Variants in SPATA21 observed in about 807,000 individuals in gnomAD.
SPATA21 encodes the protein spermatogenesis associated 21.
SPATA21 carries 47 observed loss-of-function variants against 54.8 expected under a neutral mutation model. That is an observed-to-expected ratio of 0.86 (90% confidence interval 0.68 to 1.09). SPATA21 has a LOEUF of 1.09. SPATA21 is among the 50% of genes least tolerant of loss of function. The probability of loss-of-function intolerance (pLI) is 0.00; values close to 1 mark genes in which losing one functional copy is unlikely to be tolerated. For synonymous variants in SPATA21, 245 were observed against 235.3 expected, an observed-to-expected ratio of 1.04 and a Z score of -0.38; for missense variants, 599 against 596.4, an observed-to-expected ratio of 1.00 and a Z score of -0.05.
At chr1:16,396,397 G>GAC (rs2085312050), downstream of SPATA21, 1 of 152,236 alleles carries the variant, frequency 6.6e-6, no homozygotes, top group Non-Finnish European at 1.5e-5. Flanking sequence ...ATTGATGACA[G>GAC]ACTGGTTCCT....
intron 3 of SPATA21, among the ~76,000 whole-genome samples, chr1:16,429,746 T>C (rs1053772569): frequency 8.7e-5 from 13 of 150,218 alleles, no homozygotes; most frequent in African/African-American, 3.2e-4. Flanking sequence ...AGTGCTGGGA[T>C]TACAGGCGTG....
chr1:16,401,403 G>A (rs751202876), intron 10 of SPATA21, among the ~76,000 whole-genome samples: 5 of 151,998 alleles, frequency 3.3e-5, no homozygotes, highest in Non-Finnish European at 7.4e-5. Flanking sequence ...TCAACTGATC[G>A]TCCTGCCCTA....
In SPATA21 at chr1:16,409,889, C is replaced by T. The variant is rs768245820; in HGVS notation, c.299G>A (p.Arg100Gln). 3.0e-5 allele frequency: 49 copies of T among 1,613,182 alleles called. No individual in the cohort carries two copies. The South Asian group carries it at 3.4e-4, about 11-fold the overall frequency. Residue 100 changes from arginine to glutamine, a missense_variant, in exon 6 of 13, where the codon CGG (arginine) becomes CAG (glutamine). Arg to Gln is a conservative substitution (Grantham distance 43). Coordinates refer to ENST00000335496, the MANE Select transcript of SPATA21 (RefSeq NM_198546.1). The surrounding 1 kb of genome is among the most constrained non-coding windows in gnomAD (Gnocchi z 4.1). ...LEVEKMEASH[R>Q]RASKARSQTA... is the part of the protein sequence containing the mutation. ...CTGGGACCGGGCCTTCGAGGCTCTC[C>T]GATGGGAGGCCTCCATTTTCTCCAC...
At chr1:16,418,271 T>C (rs2086071404) in intron 5 of SPATA21, among the ~76,000 whole-genome samples, 1 of 152,110 alleles carries the variant, frequency 6.6e-6, no homozygotes, top group Non-Finnish European at 1.5e-5. Context: ...TCTCTCTTTT[T>C]TTTATTTTTA....
chr1:16,424,875 T>C (rs903417238), intron 3 of SPATA21: 5 of 273,326 alleles, frequency 1.8e-5, no homozygotes, highest in East Asian at 1.2e-4. Context: ...CCTGCACCCA[T>C]TGACATACCG....
At position 16,400,724 on chromosome 1, in the gene SPATA21, G is replaced by T. The variant is rs12133574; in HGVS notation, c.1170C>A (p.Asn390Lys). The T allele has an allele frequency of 6.2e-7, 1 of 1,612,662 alleles. No individual in the cohort carries two copies. Among genetic ancestry groups the T allele is most frequent in the Admixed American group, 1.7e-5 (1 of 59,964 alleles). ...CACCCTGCCCAGGGCCCTCACCATAGTTCTGCTGCTTCAGCCGGCTCAGGA... is the reference window on the plus strand; with the variant it reads ...CACCCTGCCCAGGGCCCTCACCATATTTCTGCTGCTTCAGCCGGCTCAGGA... The part of the protein sequence containing the change: ...LSILSRLKQQ[N>K]YAPNLQSPYA... Residue 390 changes from asparagine to lysine, a missense_variant, in exon 11 of 13, where the codon AAC becomes AAA. Physicochemically the swap from Asn to Lys is moderately conservative, Grantham distance 94 (BLOSUM62 0). Coordinates refer to ENST00000335496, the MANE Select transcript of SPATA21 (RefSeq NM_198546.1).
At chr1:16,435,772 C>A (rs2086572108) in intron 1 of SPATA21, among the ~76,000 whole-genome samples, 1 of 152,070 alleles carries the variant, frequency 6.6e-6, no homozygotes, top group Admixed American at 6.6e-5. Context: ...TGAGTCACAG[C>A]ACCCAGCCTG....
At chr1:16,422,015 G>A in intron 3 of SPATA21, 44 bp from the exon 4 acceptor site, 3 of 1,613,930 alleles carry the variant, frequency 1.9e-6, no homozygotes, top group Non-Finnish European at 1.7e-6. Flanking sequence ...CCTGAGAGCT[G>A]TCCCCATGTC....
chr1:16,411,089 A>C (rs1377260622), intron 5 of SPATA21, among the ~76,000 whole-genome samples: 1 of 152,014 alleles, frequency 6.6e-6, no homozygotes, highest in African/African-American at 2.4e-5. Context: ...CTCCCAATCA[A>C]AGACACTGTG....
rs776803030 is a variant in SPATA21, at chr1:16,421,558, C to G, written c.96-1G>C. On this transcript the variant is annotated splice_acceptor_variant, in intron 4 of 12. Coordinates refer to ENST00000335496, the MANE Select transcript of SPATA21 (RefSeq NM_198546.1). LOFTEE classifies it high-confidence loss of function. This position sits in a 1 kb window ranked among gnomAD's most constrained non-coding sequence, Gnocchi z 5.2. ...TGGGTGGGTCTCCACAGCCTCACCC[C>G]TGAATAGAAGAGAAACCCCCAGGTG... is the stretch of plus-strand genomic sequence containing the variant. 6 of 1,613,266 alleles carry G rather than the reference C, an allele frequency of 3.7e-6. No homozygotes were observed. The Admixed American group carries it at 1.0e-4, about 27-fold the overall frequency.
At chr1:16,427,979 T>G (rs1410711175) in intron 3 of SPATA21, 18 of 1,549,942 alleles carry the variant, frequency 1.2e-5, no homozygotes, top group Non-Finnish European at 1.4e-5. Context: ...GAGAGGTGCT[T>G]CTTGCTGCCC....
intron 3 of SPATA21, chr1:16,425,351 G>A: frequency 1.4e-6 from 1 of 699,026 alleles, no homozygotes; most frequent in South Asian, 1.7e-5. Flanking sequence ...CCTGAACATA[G>A]CTCATTGTAG....
downstream of SPATA21, chr1:16,395,981 A>C (rs1393976635): frequency 6.6e-6 from 1 of 152,632 alleles, no homozygotes; most frequent in Non-Finnish European, 1.5e-5. Context: ...GTATTTTGGG[A>C]GATAGGGAAA....
chr1:16,400,052 GTT>G (rs775359804), intron 11 of SPATA21, among the ~76,000 whole-genome samples: 3 of 151,856 alleles, frequency 2.0e-5, no homozygotes, highest in Non-Finnish European at 4.4e-5. Flanking sequence ...TTGAGACAGA[GTT>G]TTGCTCTTGT....
At chr1:16,403,195 AG>A (rs1330059752) in intron 10 of SPATA21, among the ~76,000 whole-genome samples, 1 of 152,102 alleles carries the variant, frequency 6.6e-6, no homozygotes, top group Non-Finnish European at 1.5e-5. Context: ...TGACCCAGAT[AG>A]GGTCCATCGA....
intron 1 of SPATA21, among the ~76,000 whole-genome samples, chr1:16,434,486 C>T (rs887150197): frequency 4.0e-5 from 6 of 151,846 alleles, no homozygotes; most frequent in African/African-American, 1.5e-4. Context: ...TAAATAGAGG[C>T]GAGGTCTCAT....
chr1:16,427,529 G>A (rs970647575), intron 3 of SPATA21, among the ~76,000 whole-genome samples: 1 of 151,472 alleles, frequency 6.6e-6, no homozygotes, highest in African/African-American at 2.4e-5. Context: ...ACCTTTTTTT[G>A]TTCATTATTC....
intron 3 of SPATA21, 132 bp downstream of exon 3, chr1:16,431,206 G>A: frequency 6.4e-7 from 1 of 1,568,966 alleles, no homozygotes; most frequent in Non-Finnish European, 8.7e-7. Flanking sequence ...TGCCAGCTAG[G>A]AGTGAATGGA....
downstream of SPATA21, chr1:16,396,842 C>T (rs1031011768): frequency 1.3e-5 from 2 of 152,356 alleles, no homozygotes; most frequent in African/African-American, 4.8e-5. Context: ...GCAGCTAGTC[C>T]ATAGCACAGC....
Sources: gnomAD v4.1 joint callset for allele counts (sites outside exome capture counted in the v4.1 genomes callset) on GRCh38, gnomAD v4.1.1 for gene constraint, Gnocchi (gnomAD v3.1) non-coding constraint, MANE v1.5 for transcripts, NCBI Gene and HGNC (gene_info 2026-07-23, HGNC 2026-07-21) for gene names.